Variants in TBX15 observed in about 807,000 individuals in gnomAD.
The protein encoded by TBX15 is T-box transcription factor 15, also known as T-box transcription factor TBX15.
Under a neutral mutation model 53.9 loss-of-function variants are expected in TBX15, and 18 were observed. That is an observed-to-expected ratio of 0.33 (90% CI 0.23 to 0.49). TBX15 has a LOEUF of 0.49. Ranked by LOEUF, TBX15 falls within the 20% of genes least tolerant of loss-of-function variation. TBX15 has a pLI of 0.98. For missense variants in TBX15, 692 were observed against 749.5 expected (o/e 0.92, Z 0.90); for synonymous variants, 295 against 278.0 (o/e 1.06, Z -0.61).
At chr1:118,964,417 T>C (rs962062442) in intron 1 of TBX15, among the ~76,000 whole-genome samples, 2 of 152,248 alleles carry the variant, frequency 1.3e-5, no homozygotes, top group Admixed American at 1.3e-4. Context: ...AAAACCTTTA[T>C]AGATAAGTAA....
chr1:118,972,811 G>C (rs548370920), intron 1 of TBX15, among the ~76,000 whole-genome samples: 1 of 152,250 alleles, frequency 6.6e-6, no homozygotes, highest in African/African-American at 2.4e-5. Context: ...TGTTGGCCAG[G>C]TTGGTCTTGA....
In TBX15 at chr1:118,924,689, T is replaced by C. The variant is rs749418037; in HGVS notation, c.650A>G (p.Asp217Gly). ...DTWMRQVVSF[D>G]KLKLTNNELD... ...CTCATTGTTGGTAAGCTTGAGTTTGTCAAAACTGACCACCTGTCTCATCCA... is the reference window on the plus strand; with the variant it reads ...CTCATTGTTGGTAAGCTTGAGTTTGCCAAAACTGACCACCTGTCTCATCCA... The change falls in exon 4 of 8, where the codon GAC becomes GGC. Residue 217 changes from aspartate (D) to glycine (G), a missense_variant. Asp to Gly is a moderately conservative substitution (Grantham distance 94). Coordinates refer to ENST00000369429, the MANE Select transcript of TBX15 (RefSeq NM_001330677.2). The C allele has an allele frequency of 6.2e-7, 1 of 1,614,056 alleles. No individual in the cohort carries two copies. Among genetic ancestry groups the C allele is most frequent in the South Asian group, 1.1e-5 (1 of 91,080 alleles).
rs56146349 is a variant in TBX15, at chr1:118,893,406, A to G, written c.1024+5622T>C. The stretch of plus-strand genomic sequence containing the variant: ...GAAAGAAAGAAAGAAAGAAAGAAAG[A>G]AAGGAAGAAGGAAAGAAAGATGGAA... On this transcript the variant is annotated intron_variant, in intron 7 of 7. Coordinates refer to ENST00000369429, the MANE Select transcript of TBX15 (RefSeq NM_001330677.2). Among the ~76,000 whole-genome samples, 683 of 119,222 alleles carry G rather than the reference A, an allele frequency of 5.7e-3. 10 individuals are homozygous for G. Among genetic ancestry groups the G allele is most frequent in the Non-Finnish European group, 6.8e-3 (401 of 58,650 alleles). 78.2% of individuals were successfully genotyped at this position (119,222 alleles called of 152,430 possible).
Position 118,988,151 on chromosome 1 carries a change from CTCT to C in TBX15, c.-359_-357del. The C allele has an allele frequency of 2.6e-5, 1 of 37,780 alleles. No homozygotes were observed. Among genetic ancestry groups the C allele is most frequent in the Non-Finnish European group, 4.7e-5 (1 of 21,150 alleles). The allele number at this position is 37,780 out of a possible 1,614,324, so 2.3% of individuals were successfully genotyped here. A position where few individuals can be genotyped will look rare whatever the true frequency, so the allele number is the denominator to read the frequency against. On this transcript the variant is annotated 5_prime_UTR_variant, in exon 1 of 8. Coordinates refer to ENST00000369429, the MANE Select transcript of TBX15 (RefSeq NM_001330677.2). ...TGTTATTATTATTATTCTCTCTCCTCTCTCTCTCTCTCTCTCTCTCCCCTCCCT... is the reference window on the plus strand; with the variant it reads ...TGTTATTATTATTATTCTCTCTCCTCCTCTCTCTCTCTCTCTCCCCTCCCT...
At position 118,968,139 on chromosome 1, in the gene TBX15, G is replaced by A. The variant is rs530637140; in HGVS notation, c.205+19452C>T. On this transcript the variant is annotated intron_variant, in intron 1 of 7. Coordinates refer to ENST00000369429, the MANE Select transcript of TBX15 (RefSeq NM_001330677.2). ...ACACTTGTCAGTCTTTTTCTCCTGGGAATTCCTAAGAAAAAGAGTGGTACA... is the reference window on the plus strand; with the variant it reads ...ACACTTGTCAGTCTTTTTCTCCTGGAAATTCCTAAGAAAAAGAGTGGTACA... 1.8e-3 allele frequency among the ~76,000 whole-genome samples: 281 copies of A among 152,252 alleles called. 1 individual carries two copies. The highest frequency in any genetic ancestry group is 6.2e-3 in the African/African-American group (259 of 41,552).
At chr1:118,925,515 T>C (rs1456193625) in intron 3 of TBX15, among the ~76,000 whole-genome samples, 1 of 152,222 alleles carries the variant, frequency 6.6e-6, no homozygotes, top group Non-Finnish European at 1.5e-5. Flanking sequence ...AAAGACATTG[T>C]TTGGTAGCAA....
intron 1 of TBX15, among the ~76,000 whole-genome samples, chr1:118,948,912 A>G (rs1204763000): frequency 6.6e-6 from 1 of 152,216 alleles, no homozygotes; most frequent in Non-Finnish European, 1.5e-5. Context: ...GTTTCTTATC[A>G]TGCTCCTAAA....
chr1:118,961,580 CA>C (rs1483928709), intron 1 of TBX15, among the ~76,000 whole-genome samples: 9 of 151,814 alleles, frequency 5.9e-5, no homozygotes, highest in African/African-American at 1.9e-4. Context: ...TGATGGAGGC[CA>C]AAAAAGGATA....
At chr1:118,937,767 C>T (rs1257704029) in intron 1 of TBX15, among the ~76,000 whole-genome samples, 1 of 152,216 alleles carries the variant, frequency 6.6e-6, no homozygotes. Context: ...CTGCCAAATA[C>T]TGGTACACAA....
At chr1:118,904,711 C>A (rs554903352) in intron 6 of TBX15, among the ~76,000 whole-genome samples, 6 of 152,222 alleles carry the variant, frequency 3.9e-5, no homozygotes, top group African/African-American at 1.4e-4. Context: ...TAGTAATAAC[C>A]CATGATCATA....
intron 1 of TBX15, among the ~76,000 whole-genome samples, chr1:118,946,624 A>T (rs986661299): frequency 6.6e-6 from 1 of 152,176 alleles, no homozygotes; most frequent in Admixed American, 6.5e-5. Flanking sequence ...TAATAAAAAT[A>T]TATTTTATCT....
At chr1:118,929,128 T>C (rs772684295) in intron 2 of TBX15, among the ~76,000 whole-genome samples, 15 of 152,228 alleles carry the variant, frequency 9.9e-5, no homozygotes, top group African/African-American at 1.4e-4. Flanking sequence ...TCTAAACCCA[T>C]TAATCCTTGC....
In TBX15 at chr1:118,931,849, C is replaced by T. The variant is rs1440707870; in HGVS notation, c.206-17G>A. ...GCTCAGAATCTGCAAAATAAACAAT[C>T]AAGCCTTAGGTGAGAAACTGCTGAG... On this transcript the variant is annotated splice_polypyrimidine_tract_variant and intron_variant, in intron 1 of 7. Transcript: ENST00000369429. 1.9e-6 allele frequency: 3 copies of T among 1,554,624 alleles called. No individual in the cohort carries two copies. Among genetic ancestry groups the T allele is most frequent in the Non-Finnish European group, 2.6e-6 (3 of 1,148,730 alleles).
intron 1 of TBX15, among the ~76,000 whole-genome samples, chr1:118,932,142 T>C (rs1015104811): frequency 6.6e-6 from 1 of 152,152 alleles, no homozygotes; most frequent in Non-Finnish European, 1.5e-5. Context: ...TGTCACCATG[T>C]TGAAGAGAAT....
chr1:118,908,984 T>TA (rs1197390978), intron 6 of TBX15, among the ~76,000 whole-genome samples: 2 of 152,156 alleles, frequency 1.3e-5, no homozygotes, highest in East Asian at 3.9e-4. Context: ...ATCAGGGGCT[T>TA]AATTACTTGG....
intron 1 of TBX15, among the ~76,000 whole-genome samples, chr1:118,983,112 C>T (rs888962213): frequency 6.6e-6 from 1 of 152,154 alleles, no homozygotes; most frequent in African/African-American, 2.4e-5. Flanking sequence ...AAAGGAGAGA[C>T]CCGCACACCC....
intron 6 of TBX15, among the ~76,000 whole-genome samples, chr1:118,903,913 T>C (rs1327725376): frequency 6.6e-6 from 1 of 152,208 alleles, no homozygotes; most frequent in East Asian, 1.9e-4. Flanking sequence ...TCACTTAATA[T>C]ACCTGAAAAA....
At chr1:118,917,038 A>G (rs1655261185) in intron 5 of TBX15, among the ~76,000 whole-genome samples, 1 of 152,228 alleles carries the variant, frequency 6.6e-6, no homozygotes, top group Admixed American at 6.5e-5. Context: ...AGAATCAGAA[A>G]TAGCATTTAA....
chr1:118,920,094 CA>C (rs1655371539), intron 5 of TBX15, among the ~76,000 whole-genome samples: 1 of 152,128 alleles, frequency 6.6e-6, no homozygotes, highest in African/African-American at 2.4e-5. Context: ...TACAGTCCGT[CA>C]ATTGCAGAGT....
Sources: gnomAD v4.1 joint callset for allele counts (sites outside exome capture counted in the v4.1 genomes callset) on GRCh38, gnomAD v4.1.1 for gene constraint, MANE v1.5 for transcripts, NCBI Gene and HGNC (gene_info 2026-07-23, HGNC 2026-07-21) for gene names.